The following ADAMTSL1 variants were observed in gnomAD, a reference collection of about 807,000 sequenced individuals.
The protein encoded by ADAMTSL1 is ADAMTS like 1, also known as ADAMTS-like protein 1.
A neutral mutation model predicts 201.8 loss-of-function variants in ADAMTSL1; 126 were observed. The ratio of observed to expected loss-of-function variants is 0.62; its 90% CI spans 0.54 to 0.72. ADAMTSL1 has a LOEUF of 0.72. ADAMTSL1 is among the 30% of genes least tolerant of loss of function. The probability of loss-of-function intolerance (pLI) is 0.00; values close to 1 mark genes in which losing one functional copy is unlikely to be tolerated. For missense variants in ADAMTSL1, 2,679 were observed against 2,277.8 expected (o/e 1.18, Z -3.59); for synonymous variants, 1,121 against 903.4 (o/e 1.24, Z -4.32).
intron 14 of ADAMTSL1, chr9:18,718,248 T>G (rs1833090032): frequency 2.6e-6 from 2 of 759,398 alleles, no homozygotes; most frequent in East Asian, 2.5e-5. Flanking sequence ...TCTCAAGTCT[T>G]GCAAATCATT....
At chr9:18,267,729 C>A (rs1276174387) in intron 2 of ADAMTSL1, among the ~76,000 whole-genome samples, 1 of 143,096 alleles carries the variant, frequency 7.0e-6, no homozygotes, top group Non-Finnish European at 1.5e-5. Context: ...AATTGTAAAC[C>A]TTTCTATATT....
intron 18 of ADAMTSL1, among the ~76,000 whole-genome samples, chr9:18,776,245 T>A: frequency 6.6e-6 from 1 of 152,144 alleles, no homozygotes; most frequent in Non-Finnish European, 1.5e-5. Flanking sequence ...TTTGTTCTGT[T>A]TAATATTAAT....
intron 15 of ADAMTSL1, among the ~76,000 whole-genome samples, chr9:18,736,442 G>A (rs535094896): frequency 1.3e-5 from 2 of 152,198 alleles, no homozygotes; most frequent in African/African-American, 4.8e-5. Context: ...GATAGTGTCA[G>A]GCACTTTATC....
chr9:18,048,883 A>T (rs967941670), intron 1 of ADAMTSL1, among the ~76,000 whole-genome samples: 4 of 152,196 alleles, frequency 2.6e-5, no homozygotes, highest in Non-Finnish European at 5.9e-5. Context: ...TTAAAACAAC[A>T]GAAATGTACT....
intron 2 of ADAMTSL1, among the ~76,000 whole-genome samples, chr9:18,317,387 GTCC>G (rs1728285806): frequency 8.2e-6 from 1 of 122,432 alleles, no homozygotes; most frequent in South Asian, 3.0e-4. Context: ...TATCTTAAGT[GTCC>G]TCAACACACA....
At chr9:18,497,561 T>C (rs1366154377) in intron 1 of ADAMTSL1, among the ~76,000 whole-genome samples, 1 of 152,234 alleles carries the variant, frequency 6.6e-6, no homozygotes, top group East Asian at 1.9e-4. Context: ...TATATTAATA[T>C]TCTCTCAGTC....
At chr9:18,681,691 C>T (rs538039202) in intron 11 of ADAMTSL1, 121 bp from the exon 12 acceptor site, 4,747 of 330,766 alleles carry the variant, frequency 0.014, 68 homozygotes, top group Non-Finnish European at 0.018. Flanking sequence ...ACCAGGAGTC[C>T]TCGTGTGGGG....
At chr9:18,862,571 C>A (rs895797916) in intron 23 of ADAMTSL1, among the ~76,000 whole-genome samples, 17 of 152,188 alleles carry the variant, frequency 1.1e-4, no homozygotes, top group African/African-American at 4.1e-4. Context: ...TGTGAAACAT[C>A]AATTTCATTC....
intron 15 of ADAMTSL1, among the ~76,000 whole-genome samples, chr9:18,725,303 A>T (rs558169484): frequency 6.6e-6 from 1 of 152,352 alleles, no homozygotes; most frequent in East Asian, 1.9e-4. Context: ...GGACAGATGG[A>T]GGTTAAGTAA....
chr9:18,562,682 A>C (rs565558552), intron 3 of ADAMTSL1, among the ~76,000 whole-genome samples: 2 of 152,230 alleles, frequency 1.3e-5, no homozygotes, highest in African/African-American at 4.8e-5. Flanking sequence ...CTTTTCACAT[A>C]GTTCCATATT....
intron 2 of ADAMTSL1, among the ~76,000 whole-genome samples, chr9:18,438,639 G>A (rs1336323140): frequency 6.6e-6 from 1 of 152,052 alleles, no homozygotes; most frequent in Non-Finnish European, 1.5e-5. Context: ...CCCTAGAGGG[G>A]GCTGCAGCAC....
chr9:18,834,572 A>G (rs1246465338), intron 23 of ADAMTSL1, among the ~76,000 whole-genome samples: 1 of 152,160 alleles, frequency 6.6e-6, no homozygotes, highest in Non-Finnish European at 1.5e-5. Flanking sequence ...TATAATGAAC[A>G]TATTTTATCA....
At chr9:18,630,152 T>C (rs1826660448) in intron 5 of ADAMTSL1, among the ~76,000 whole-genome samples, 2 of 152,158 alleles carry the variant, frequency 1.3e-5, no homozygotes, top group African/African-American at 4.8e-5. Flanking sequence ...TTTGGGGTCT[T>C]AAAATGTGGT....
intron 1 of ADAMTSL1, among the ~76,000 whole-genome samples, chr9:18,010,189 T>A (rs1450686956): frequency 6.6e-6 from 1 of 151,996 alleles, no homozygotes; most frequent in Non-Finnish European, 1.5e-5. Context: ...GCTCTGAGAA[T>A]TAATATGATT....
intron 4 of ADAMTSL1, among the ~76,000 whole-genome samples, chr9:18,604,452 T>C (rs561221297): frequency 2.0e-5 from 3 of 152,324 alleles, no homozygotes; most frequent in South Asian, 4.1e-4. Flanking sequence ...GTAATCACCA[T>C]CTATTTTCTT....
At chr9:18,696,669 G>A (rs1393716144) in intron 13 of ADAMTSL1, among the ~76,000 whole-genome samples, 1 of 152,028 alleles carries the variant, frequency 6.6e-6, no homozygotes, top group Non-Finnish European at 1.5e-5. Flanking sequence ...AGGTGATGAA[G>A]AGCACCAACT....
intron 26 of ADAMTSL1, among the ~76,000 whole-genome samples, chr9:18,893,484 ACGTGT>A (rs1829424457): frequency 6.6e-6 from 1 of 152,188 alleles, no homozygotes; most frequent in African/African-American, 2.4e-5. Context: ...CCAGGCCAGT[ACGTGT>A]CGAGCTTTAA....
chr9:18,889,107 C>G (rs1025949151), intron 24 of ADAMTSL1, among the ~76,000 whole-genome samples: 5 of 152,132 alleles, frequency 3.3e-5, no homozygotes, highest in African/African-American at 1.2e-4. Context: ...TTTTGGGTAA[C>G]ATTTGCAAAG....
intron 26 of ADAMTSL1, among the ~76,000 whole-genome samples, chr9:18,904,499 C>T (rs1588357479): frequency 6.6e-6 from 1 of 151,112 alleles, no homozygotes; most frequent in Admixed American, 6.6e-5. Context: ...TTTAAAAATA[C>T]GGTTAAAGAG....
Sources: gnomAD v4.1 joint callset for allele counts (sites outside exome capture counted in the v4.1 genomes callset) on GRCh38, gnomAD v4.1.1 for gene constraint, MANE v1.5 for transcripts, NCBI Gene and HGNC (gene_info 2026-07-23, HGNC 2026-07-21) for gene names.